Variants in NRG1 observed in about 807,000 individuals in gnomAD.
NRG1 encodes the protein pro-neuregulin-1, membrane-bound isoform.
A neutral mutation model predicts 63.8 loss-of-function variants in NRG1; 18 were observed. That is an observed-to-expected ratio of 0.28 (90% CI 0.19 to 0.42). The LOEUF is 0.42. NRG1 is among the 10% of genes least tolerant of loss of function. NRG1 has a pLI of 1.00. For missense variants in NRG1, 762 were observed against 814.7 expected, an observed-to-expected ratio of 0.94 and a Z score of 0.79; for synonymous variants, 302 against 301.3, an observed-to-expected ratio of 1.00 and a Z score of -0.02.
At chr8:32,234,341 T>C (rs1847308990) in intron 1 of NRG1, among the ~76,000 whole-genome samples, 1 of 152,218 alleles carries the variant, frequency 6.6e-6, no homozygotes, top group Admixed American at 6.5e-5. Context: ...GGCTAGATAC[T>C]CTGCATTTAT....
intron 1 of NRG1, among the ~76,000 whole-genome samples, chr8:32,185,098 T>G (rs1462107075): frequency 6.6e-6 from 1 of 152,196 alleles, no homozygotes. Flanking sequence ...TCTTCTTTCA[T>G]CCTTCTAAGT....
intron 1 of NRG1, among the ~76,000 whole-genome samples, chr8:31,839,725 A>G (rs1287669345): frequency 6.6e-6 from 1 of 152,216 alleles, no homozygotes; most frequent in African/African-American, 2.4e-5. Flanking sequence ...GAAGCAAGGC[A>G]AAAATGTCAG....
chr8:32,702,733 C>T (rs568955576), intron 5 of NRG1, among the ~76,000 whole-genome samples: 6 of 152,228 alleles, frequency 3.9e-5, no homozygotes, highest in South Asian at 2.1e-4. Flanking sequence ...CTGCCTTCCT[C>T]GGCCTCCCAA....
chr8:32,105,354 AATC>A (rs1831128292), intron 1 of NRG1, among the ~76,000 whole-genome samples: 1 of 152,198 alleles, frequency 6.6e-6, no homozygotes, highest in African/African-American at 2.4e-5. Context: ...GAGGCCTCAC[AATC>A]ATGGCAGAAG....
chr8:32,148,712 A>G (rs1837179697), intron 1 of NRG1, among the ~76,000 whole-genome samples: 1 of 152,232 alleles, frequency 6.6e-6, no homozygotes, highest in Non-Finnish European at 1.5e-5. Flanking sequence ...TGAAGAATTA[A>G]CATTTGAGGA....
intron 1 of NRG1, among the ~76,000 whole-genome samples, chr8:31,729,709 A>G (rs1813827377): frequency 6.6e-6 from 1 of 152,188 alleles, no homozygotes; most frequent in African/African-American, 2.4e-5. Flanking sequence ...TATGTAAGAA[A>G]ATAACATAAA....
At chr8:31,962,580 T>G (rs930360869) in intron 1 of NRG1, among the ~76,000 whole-genome samples, 20 of 152,162 alleles carry the variant, frequency 1.3e-4, no homozygotes, top group African/African-American at 4.8e-4. Flanking sequence ...ACCTTCAAAC[T>G]TGGAGTTTTC....
intron 1 of NRG1, among the ~76,000 whole-genome samples, chr8:31,994,421 G>T (rs1811581629): frequency 6.6e-6 from 1 of 151,806 alleles, no homozygotes; most frequent in Non-Finnish European, 1.5e-5. Context: ...GGGAAGCCGA[G>T]GTGGGAGGAT....
At chr8:32,045,003 CAGT>C (rs1441288574) in intron 1 of NRG1, among the ~76,000 whole-genome samples, 1 of 129,740 alleles carries the variant, frequency 7.7e-6, no homozygotes, top group Non-Finnish European at 1.7e-5. Context: ...ATCAGAAAAA[CAGT>C]AGAACAAATT....
chr8:32,098,136 AG>A (rs1488289368), intron 1 of NRG1, among the ~76,000 whole-genome samples: 2 of 152,052 alleles, frequency 1.3e-5, no homozygotes, highest in East Asian at 1.9e-4. Flanking sequence ...GAAGAAACCA[AG>A]AGGGCCTGAT....
intron 1 of NRG1, among the ~76,000 whole-genome samples, chr8:32,224,779 T>A (rs1049864069): frequency 7.9e-5 from 12 of 152,224 alleles, no homozygotes; most frequent in Admixed American, 6.5e-4. Flanking sequence ...GTGTGGATTT[T>A]CATTCTGACA....
intron 1 of NRG1, among the ~76,000 whole-genome samples, chr8:31,707,783 T>G (rs1440492948): frequency 6.6e-6 from 1 of 152,188 alleles, no homozygotes; most frequent in East Asian, 1.9e-4. Flanking sequence ...ATTTTACTCA[T>G]CTTTTATTGC....
intron 1 of NRG1, among the ~76,000 whole-genome samples, chr8:31,854,918 G>A (rs1423867810): frequency 3.9e-5 from 6 of 152,202 alleles, no homozygotes; most frequent in African/African-American, 9.6e-5. Flanking sequence ...GTAGCTGAGC[G>A]GTTTTGAGTG....
intron 1 of NRG1, among the ~76,000 whole-genome samples, chr8:31,738,908 T>C (rs1814968408): frequency 6.6e-6 from 1 of 152,088 alleles, no homozygotes; most frequent in Admixed American, 6.6e-5. Context: ...TGAATTCATC[T>C]TAACTAATTA....
intron 1 of NRG1, among the ~76,000 whole-genome samples, chr8:32,195,503 G>A (rs1186035641): frequency 6.6e-6 from 1 of 151,328 alleles, no homozygotes; most frequent in East Asian, 1.9e-4. Flanking sequence ...TCATGGTTCT[G>A]GCTCTTAGTC....
At chr8:32,091,591 G>C (rs1465812276) in intron 1 of NRG1, among the ~76,000 whole-genome samples, 2 of 152,128 alleles carry the variant, frequency 1.3e-5, no homozygotes, top group African/African-American at 4.8e-5. Context: ...TCACACTGCT[G>C]TACCATATCC....
chr8:32,412,035 C>A (rs1815036630), intron 1 of NRG1, among the ~76,000 whole-genome samples: 1 of 152,080 alleles, frequency 6.6e-6, no homozygotes, highest in South Asian at 2.1e-4. Flanking sequence ...AACATTTGAA[C>A]TGGTAGATTG....
chr8:32,509,582 G>A (rs964970045), intron 1 of NRG1, among the ~76,000 whole-genome samples: 9 of 152,150 alleles, frequency 5.9e-5, no homozygotes, highest in African/African-American at 2.2e-4. Flanking sequence ...TTAAAGGAGA[G>A]GGGGAAGAGT....
At chr8:32,629,764 T>C (rs1266727639) in intron 5 of NRG1, among the ~76,000 whole-genome samples, 1 of 152,180 alleles carries the variant, frequency 6.6e-6, no homozygotes, top group Admixed American at 6.5e-5. Context: ...CAGTTTCTCC[T>C]TTGATAGGAT....
Sources: gnomAD v4.1 joint callset for allele counts (sites outside exome capture counted in the v4.1 genomes callset) on GRCh38, gnomAD v4.1.1 for gene constraint, MANE v1.5 for transcripts, NCBI Gene and HGNC (gene_info 2026-07-23, HGNC 2026-07-21) for gene names.